B3GLCT: variants seen among roughly 807,000 people sequenced by gnomAD.
B3GLCT encodes beta-1,3-glucosyltransferase.
B3GLCT carries 65 observed loss-of-function variants against 63.4 expected under a neutral mutation model. That is an observed-to-expected ratio of 1.03 (90% CI 0.84 to 1.26). The LOEUF is 1.26. Among genes scored for constraint, B3GLCT ranks in the 50% most tolerant of loss-of-function variants. The pLI is 0.00. For missense variants in B3GLCT, 577 were observed against 604.8 expected (o/e 0.95, Z 0.48); for synonymous variants, 233 against 219.2 (o/e 1.06, Z -0.55).
intron 1 of B3GLCT, among the ~76,000 whole-genome samples, chr13:31,203,439 C>CA (rs981804040): frequency 1.3e-5 from 2 of 152,136 alleles, no homozygotes; most frequent in Non-Finnish European, 2.9e-5. Flanking sequence ...GCATCTGTTT[C>CA]AAATAGCAGT....
chr13:31,244,992 G>A (rs1871132758), intron 4 of B3GLCT, among the ~76,000 whole-genome samples: 1 of 152,074 alleles, frequency 6.6e-6, no homozygotes, highest in East Asian at 1.9e-4. Flanking sequence ...CAGAGAGACA[G>A]AAAATTTGAC....
At chr13:31,222,672 C>A (rs1869873252) in intron 2 of B3GLCT, among the ~76,000 whole-genome samples, 2 of 152,210 alleles carry the variant, frequency 1.3e-5, no homozygotes, top group Admixed American at 6.5e-5. Context: ...GCATCTTACA[C>A]AATAGGAAAG....
intron 6 of B3GLCT, among the ~76,000 whole-genome samples, chr13:31,252,202 A>G (rs890229231): frequency 6.6e-6 from 1 of 152,198 alleles, no homozygotes; most frequent in African/African-American, 2.4e-5. Context: ...CTGCCCTGCA[A>G]GAGCTCCTGA....
At chr13:31,245,571 A>G (rs923020005) in intron 4 of B3GLCT, among the ~76,000 whole-genome samples, 2 of 152,252 alleles carry the variant, frequency 1.3e-5, no homozygotes, top group Admixed American at 6.5e-5. Flanking sequence ...CCGTTGTTAT[A>G]AAGTTTTCAT....
chr13:31,204,248 A>T (rs1868825388), intron 1 of B3GLCT, among the ~76,000 whole-genome samples: 2 of 152,136 alleles, frequency 1.3e-5, no homozygotes, highest in African/African-American at 2.4e-5. Context: ...TGCTGTCTGG[A>T]TACTTTTTGG....
At chr13:31,292,440 T>C (rs28838681) in intron 12 of B3GLCT, among the ~76,000 whole-genome samples, 2 of 152,340 alleles carry the variant, frequency 1.3e-5, no homozygotes, top group South Asian at 2.1e-4. Context: ...TGTCTGGTTC[T>C]GGGCTTTGTT....
chr13:31,211,947 G>A (rs1019804307), intron 1 of B3GLCT, among the ~76,000 whole-genome samples: 2 of 151,998 alleles, frequency 1.3e-5, no homozygotes, highest in African/African-American at 2.4e-5. Context: ...GTCTGGCCTC[G>A]CAAAAAAGTG....
chr13:31,266,863 C>T (rs1006247591), intron 7 of B3GLCT, among the ~76,000 whole-genome samples: 7 of 152,146 alleles, frequency 4.6e-5, no homozygotes, highest in East Asian at 3.9e-4. Flanking sequence ...CTCTACTTCC[C>T]GAGTTCAAGC....
At chr13:31,320,988 A>G (rs1358322111) in intron 13 of B3GLCT, among the ~76,000 whole-genome samples, 1 of 152,222 alleles carries the variant, frequency 6.6e-6, no homozygotes, top group Non-Finnish European at 1.5e-5. Context: ...ATAGCATATT[A>G]TGCAAACCAT....
chr13:31,205,518 CA>C (rs550263081), intron 1 of B3GLCT, among the ~76,000 whole-genome samples: 18 of 152,112 alleles, frequency 1.2e-4, no homozygotes, highest in Admixed American at 9.8e-4. Context: ...AAGATTGCAC[CA>C]CTGCACTTCA....
At chr13:31,323,988 G>A in intron 14 of B3GLCT, 93 bp downstream of exon 14, 1 of 1,474,742 alleles carries the variant, frequency 6.8e-7, no homozygotes, top group Non-Finnish European at 9.5e-7. Context: ...ACATATTCGG[G>A]AAACAGACTA....
intron 7 of B3GLCT, among the ~76,000 whole-genome samples, chr13:31,262,409 C>T (rs1872082423): frequency 6.6e-6 from 1 of 152,228 alleles, no homozygotes; most frequent in South Asian, 2.1e-4. Flanking sequence ...TGCCTAAGAG[C>T]ATCTGCACAG....
Position 31,264,759 on chromosome 13 carries a change from G to A in B3GLCT, c.596+3677G>A, listed in dbSNP as rs576444436. Among the ~76,000 whole-genome samples the A allele has an allele frequency of 2.6e-5, 4 of 152,298 alleles. No homozygotes were observed. In the East Asian group the frequency reaches 5.8e-4, roughly 22 times the overall value. On this transcript the variant is annotated intron_variant, in intron 7 of 14. Transcript: ENST00000343307. ...TCAGCTGCAACATTGGATCTTCCTA[G>A]TTGTTGTTTTCCCAATTCAAAGCTA...
intron 2 of B3GLCT, among the ~76,000 whole-genome samples, chr13:31,222,644 A>G (rs1486024692): frequency 6.6e-6 from 1 of 152,212 alleles, no homozygotes; most frequent in African/African-American, 2.4e-5. Flanking sequence ...AATATCATGA[A>G]CCAGTTAAAC....
chr13:31,316,244 G>A (rs1448307935), intron 12 of B3GLCT, among the ~76,000 whole-genome samples: 1 of 151,124 alleles, frequency 6.6e-6, no homozygotes, highest in Non-Finnish European at 1.5e-5. Context: ...CTTCCTCTGT[G>A]CACCTTGGAA....
At position 31,329,870 on chromosome 13, in the gene B3GLCT, A is replaced by G; in HGVS notation, c.*202A>G. The G allele has an allele frequency of 3.3e-6, 2 of 608,482 alleles. No homozygotes were observed. The highest frequency in any genetic ancestry group is 3.9e-5 in the South Asian group (2 of 51,306). 37.7% of individuals were successfully genotyped at this position (608,482 alleles called of 1,614,324 possible). A position where few individuals can be genotyped will look rare whatever the true frequency, so the allele number is the denominator to read the frequency against. ...AGAAACATTTTTTTTTCTGGGAAAA[A>G]TCACTTGCTTTTGACTTATGCAGTT... is the stretch of plus-strand genomic sequence containing the variant. On this transcript the variant is annotated 3_prime_UTR_variant, in exon 15 of 15. Transcript: ENST00000343307.
chr13:31,222,720 T>C (rs889607324), intron 2 of B3GLCT, among the ~76,000 whole-genome samples: 12 of 152,220 alleles, frequency 7.9e-5, no homozygotes, highest in Non-Finnish European at 1.8e-4. Flanking sequence ...CAAGATCACA[T>C]GAGAAGGGCA....
chr13:31,283,952 G>T (rs1873192962), intron 10 of B3GLCT, among the ~76,000 whole-genome samples: 1 of 152,192 alleles, frequency 6.6e-6, no homozygotes, highest in Non-Finnish European at 1.5e-5. Context: ...GAATTACTTG[G>T]TCAGGTGAAT....
chr13:31,255,943 T>C (rs1255362301), intron 6 of B3GLCT, among the ~76,000 whole-genome samples: 1 of 152,210 alleles, frequency 6.6e-6, no homozygotes, highest in Admixed American at 6.5e-5. Flanking sequence ...AATTGACAGA[T>C]GGCATCTGAT....
Sources: allele counts gnomAD v4.1 joint callset (sites outside exome capture counted in the v4.1 genomes callset), GRCh38; gene constraint gnomAD v4.1.1; transcripts MANE v1.5; gene names NCBI Gene and HGNC (gene_info 2026-07-23, HGNC 2026-07-21).